SSX7: variants seen among roughly 807,000 people sequenced by gnomAD.
SSX7 encodes the protein protein SSX7.
A neutral mutation model predicts 14.7 loss-of-function variants in SSX7; 15 were observed. That is an observed-to-expected ratio of 1.02 (90% confidence interval 0.68 to 1.58). The LOEUF (loss-of-function observed/expected upper bound fraction) is 1.58. Among genes scored for constraint, SSX7 ranks in the 40% most tolerant of loss-of-function variants. SSX7 has a pLI of 0.00. For missense variants in SSX7, 178 were observed against 146.8 expected (o/e 1.21, Z -1.10); for synonymous variants, 46 against 50.6 (o/e 0.91, Z 0.38).
At chrX:52,653,578 G>A in intron 1 of SSX7, 86 bp from the exon 2 acceptor site, 2 of 1,083,204 alleles carry the variant, frequency 1.8e-6, no homozygotes, top group Non-Finnish European at 2.6e-6. Flanking sequence ...GCCACCCTCA[G>A]TCACCTGGAA....
chrX:52,644,776 C>T (rs1379631097), intron 7 of SSX7, 106 bp from the exon 8 acceptor site: 13 of 924,498 alleles, frequency 1.4e-5, no homozygotes, highest in South Asian at 7.9e-5. Flanking sequence ...TCTGATTCTG[C>T]CCTACCCCAG....
At chrX:52,647,085 G>A (rs782071589) in intron 6 of SSX7, among the ~76,000 whole-genome samples, 1 of 112,615 alleles carries the variant, frequency 8.9e-6, no homozygotes, top group Admixed American at 9.4e-5. Context: ...GATGAAACCA[G>A]CCACAACATT....
At chrX:52,652,542 A>AAAAG (rs879993192) in intron 3 of SSX7, among the ~76,000 whole-genome samples, 195 bp from the exon 4 acceptor site, 4 of 109,990 alleles carry the variant, frequency 3.6e-5, no homozygotes, top group South Asian at 8.1e-4. Context: ...GACTCAAAAA[A>AAAAG]AAAGAAAGAA....
At chrX:52,645,387 A>G (rs1925206908) in intron 7 of SSX7, 52 bp downstream of exon 7, 19 of 1,207,043 alleles carry the variant, frequency 1.6e-5, no homozygotes, top group Non-Finnish European at 2.1e-5. Context: ...CAGTATCATA[A>G]CAGAATACCA....
At chrX:52,653,215 G>C (rs1925498107) in intron 2 of SSX7, 189 bp downstream of exon 2, 3 of 753,965 alleles carry the variant, frequency 4.0e-6, no homozygotes, top group Non-Finnish European at 4.7e-6. Flanking sequence ...CAAATGTAGT[G>C]CACGGTCACA....
At chrX:52,654,488 C>T (rs189522173) in intron 1 of SSX7, among the ~76,000 whole-genome samples, 157 of 103,802 alleles carry the variant, frequency 1.5e-3, no homozygotes, top group African/African-American at 5.1e-3. Context: ...CAGCTGTGGC[C>T]TCCAAAACTG....
At chrX:52,650,265 C>A (rs1317385163) in intron 5 of SSX7, 88 bp downstream of exon 5, 2 of 1,108,934 alleles carry the variant, frequency 1.8e-6, no homozygotes, top group African/African-American at 3.6e-5. Context: ...GCAGTGAGGG[C>A]ATTTTTTATA....
chrX:52,644,497 A>G lies in SSX7; in HGVS notation c.*178T>C, dbSNP rs1209475569. On this transcript the variant is annotated 3_prime_UTR_variant, in exon 8 of 8. Coordinates refer to ENST00000298181, the MANE Select transcript of SSX7 (RefSeq NM_173358.2). ...CACTGTAAGAAAATACAATGGAAAC[A>G]CTAACATCGAACTCTTGTCACACTA... 13 of 702,701 alleles carry G rather than the reference A, an allele frequency of 1.8e-5. No homozygotes were observed. The highest frequency in any genetic ancestry group is 2.6e-5 in the Non-Finnish European group (12 of 468,479). The allele number at this position is 702,701 out of a possible 1,213,427, so 57.9% of individuals were successfully genotyped here. A position where few individuals can be genotyped will look rare whatever the true frequency, so the allele number is the denominator to read the frequency against.
chrX:52,650,235 A>G (rs782270301), intron 5 of SSX7, 118 bp downstream of exon 5: 81 of 910,826 alleles, frequency 8.9e-5, no homozygotes, highest in Non-Finnish European at 1.3e-4. Context: ...AGGTGTTGTG[A>G]TAGACATGGG....
At chrX:52,653,768 T>A (rs1925514798) in intron 1 of SSX7, among the ~76,000 whole-genome samples, 1 of 110,660 alleles carries the variant, frequency 9.0e-6, no homozygotes, top group Non-Finnish European at 1.9e-5. Context: ...TTGTTAGTAG[T>A]TTCCCTGGGG....
intron 6 of SSX7, among the ~76,000 whole-genome samples, chrX:52,646,641 C>T (rs1482151466): frequency 8.9e-6 from 1 of 111,895 alleles, no homozygotes; most frequent in Non-Finnish European, 1.9e-5. Context: ...CAAACTTAAT[C>T]GATTAATGTT....
chrX:52,646,367 T>C (rs1925248028), intron 6 of SSX7, among the ~76,000 whole-genome samples: 1 of 112,824 alleles, frequency 8.9e-6, no homozygotes, highest in Non-Finnish European at 1.9e-5. Flanking sequence ...CCGTCCGTGT[T>C]TTTTATTTTT....
Position 52,644,220 on chromosome X carries a change from C to CTGTG in SSX7, c.*451_*454dup, listed in dbSNP as rs200460426. ...ATGCTTATACTGGTACTTGGTGTGT[C>CTGTG]TGTGTGTGTGTGTGTCTGTGTGTGT... On this transcript the variant is annotated 3_prime_UTR_variant, in exon 8 of 8. Transcript: ENST00000298181. The CTGTG allele has an allele frequency of 5.6e-4, 65 of 116,844 alleles. No homozygotes were observed. Among genetic ancestry groups the CTGTG allele is most frequent in the Middle Eastern group, 4.5e-3 (2 of 445 alleles). 9.6% of individuals were successfully genotyped at this position (116,844 alleles called of 1,213,427 possible).
rs1925480503 is a variant in SSX7 at position 52,652,864 on chromosome X, T to A, written c.184+6A>T. 6.8e-6 allele frequency: 8 copies of A among 1,183,716 alleles called. No homozygotes were observed. The highest frequency in any genetic ancestry group is 5.7e-6 in the Non-Finnish European group (5 of 872,706). On this transcript the variant is annotated splice_donor_region_variant and intron_variant, in intron 3 of 7. Transcript: ENST00000298181. ...AGACTTGTCTGTACCTAGAACTTTC[T>A]GTTACCTAGTTTAGTCATGGCCTCA...
In SSX7 at chrX:52,648,277, C is replaced by G. The variant is rs1556766575; in HGVS notation, c.450G>C (p.Lys150Asn). ...CPPGKPSTSE[K>N]INKTSGPKRG... Reference sequence around the variant, plus strand: ...TCCTCTTACCGGATGTCTTGTTAATCTTCTCAGAGGTACTTGGTTTTCCTG... The same window carrying G: ...TCCTCTTACCGGATGTCTTGTTAATGTTCTCAGAGGTACTTGGTTTTCCTG... The change falls in exon 6 of 8, where the codon AAG becomes AAC. Residue 150 changes from lysine to asparagine, a missense_variant. Physicochemically the swap from Lys to Asn is moderately conservative, Grantham distance 94. Coordinates refer to ENST00000298181, the MANE Select transcript of SSX7 (RefSeq NM_173358.2). The G allele has an allele frequency of 8.3e-7, 1 of 1,206,690 alleles. No homozygotes were observed. The highest frequency in any genetic ancestry group is 1.1e-6 in the Non-Finnish European group (1 of 894,384).
intron 2 of SSX7, 108 bp from the exon 3 acceptor site, chrX:52,653,092 A>G (rs1925494444): frequency 8.5e-7 from 1 of 1,171,593 alleles, no homozygotes; most frequent in African/African-American, 1.8e-5. Flanking sequence ...GGATGATGCC[A>G]TGGCTAACCG....
chrX:52,653,260 C>G, intron 2 of SSX7, 144 bp downstream of exon 2: 1 of 1,158,896 alleles, frequency 8.6e-7, no homozygotes, highest in Non-Finnish European at 1.2e-6. Context: ...GATGACAGAG[C>G]GAGGATGGGA....
chrX:52,645,282 A>C (rs1407286013), intron 7 of SSX7, among the ~76,000 whole-genome samples, 157 bp downstream of exon 7: 1 of 109,718 alleles, frequency 9.1e-6, no homozygotes, highest in African/African-American at 3.3e-5. Context: ...AAAAAAAAAA[A>C]AACGTGGGAA....
intron 3 of SSX7, 70 bp from the exon 4 acceptor site, chrX:52,652,417 G>C: frequency 1.2e-6 from 1 of 801,598 alleles, no homozygotes; most frequent in Non-Finnish European, 1.9e-6. Context: ...CATATCTGTA[G>C]TACCAGTGCT....
Sources: gnomAD v4.1 joint callset for allele counts (sites outside exome capture counted in the v4.1 genomes callset) on GRCh38, gnomAD v4.1.1 for gene constraint, MANE v1.5 for transcripts, NCBI Gene and HGNC (gene_info 2026-07-23, HGNC 2026-07-21) for gene names.